The following SPMIP2 variants were observed in gnomAD, a reference collection of about 807,000 sequenced individuals.
The protein encoded by SPMIP2 is sperm microtubule inner protein 2, also known as protein SPMIP2.
chr4:158,906,475 C>T, the SPMIP2 span: 2 of 152,090 alleles, frequency 1.3e-5, no homozygotes, highest in African/African-American at 4.8e-5. Context: ...TAATTAGACC[C>T]ATATAGGGGA....
chr4:158,984,127 G>C, the SPMIP2 span, among the ~76,000 whole-genome samples: 3 of 120,992 alleles, frequency 2.5e-5, no homozygotes, highest in Non-Finnish European at 5.2e-5. Context: ...CAATACAGGA[G>C]CACCCAGATT....
chr4:159,061,728 T>C, the SPMIP2 span, among the ~76,000 whole-genome samples: 1 of 151,428 alleles, frequency 6.6e-6, no homozygotes, highest in African/African-American at 2.4e-5. Context: ...TGAGAATTGC[T>C]TGAACCTGGG....
At chr4:158,908,082 A>C in the SPMIP2 span, 11 of 152,186 alleles carry the variant, frequency 7.2e-5, no homozygotes, top group African/African-American at 2.2e-4. Flanking sequence ...GATTTGTTAT[A>C]TTTAATAAAA....
chr4:158,969,257 G>C, the SPMIP2 span, among the ~76,000 whole-genome samples: 2 of 152,100 alleles, frequency 1.3e-5, no homozygotes, highest in Admixed American at 6.5e-5. Context: ...CCAGTGGAGA[G>C]GAGATACAAC....
chr4:158,902,834 C>A, the SPMIP2 span, among the ~76,000 whole-genome samples: 1 of 152,182 alleles, frequency 6.6e-6, no homozygotes, highest in South Asian at 2.1e-4. Context: ...ATGCCCCTCC[C>A]CCAACCAACC....
At chr4:159,009,780 G>A in the SPMIP2 span, among the ~76,000 whole-genome samples, 1 of 151,922 alleles carries the variant, frequency 6.6e-6, no homozygotes, top group Admixed American at 6.6e-5. Context: ...AGACTAGCCT[G>A]GACAATATGG....
At chr4:159,046,646 C>G in the SPMIP2 span, among the ~76,000 whole-genome samples, 6 of 152,204 alleles carry the variant, frequency 3.9e-5, no homozygotes, top group African/African-American at 1.4e-4. Flanking sequence ...AATCTTGGCT[C>G]ACCGCAACCT....
chr4:158,895,610 G>T, the SPMIP2 span: 378 of 609,090 alleles, frequency 6.2e-4, 1 homozygote, highest in East Asian at 8.0e-3. Context: ...GTTTGAGATG[G>T]CTTGTGATTT....
chr4:159,048,147 C>G, the SPMIP2 span, among the ~76,000 whole-genome samples: 1 of 152,138 alleles, frequency 6.6e-6, no homozygotes, highest in African/African-American at 2.4e-5. Flanking sequence ...AGTAATCATA[C>G]CTCCTCCAAA....
the SPMIP2 span, among the ~76,000 whole-genome samples, chr4:159,025,204 G>A: frequency 6.2e-4 from 94 of 152,254 alleles, no homozygotes; most frequent in Middle Eastern, 3.4e-3. Flanking sequence ...TTGCTCTGTC[G>A]CACAGGCTGG....
the SPMIP2 span, among the ~76,000 whole-genome samples, chr4:159,080,492 T>C: frequency 2.0e-5 from 3 of 152,104 alleles, no homozygotes; most frequent in African/African-American, 4.8e-5. Context: ...GTGCTGACAT[T>C]ACAGGCATGA....
At chr4:158,990,468 ATACT>A in the SPMIP2 span, among the ~76,000 whole-genome samples, 2 of 151,978 alleles carry the variant, frequency 1.3e-5, no homozygotes, top group Non-Finnish European at 2.9e-5. Flanking sequence ...TGAACAGTGA[ATACT>A]GACTTGGAAC....
the SPMIP2 span, among the ~76,000 whole-genome samples, chr4:158,924,546 A>C: frequency 6.6e-6 from 1 of 150,832 alleles, no homozygotes; most frequent in East Asian, 2.0e-4. Flanking sequence ...TGCCTGGCTA[A>C]TTTTTTTGTA....
At chr4:158,957,349 G>T in the SPMIP2 span, among the ~76,000 whole-genome samples, 1 of 152,104 alleles carries the variant, frequency 6.6e-6, no homozygotes, top group Non-Finnish European at 1.5e-5. Context: ...GGCAGCACAG[G>T]TTGTAATTTG....
chr4:158,968,396 G>A, the SPMIP2 span, among the ~76,000 whole-genome samples: 1 of 152,174 alleles, frequency 6.6e-6, no homozygotes, highest in Non-Finnish European at 1.5e-5. Context: ...GGGATGCTAG[G>A]AGACAATTGA....
the SPMIP2 span, among the ~76,000 whole-genome samples, chr4:158,961,908 A>G: frequency 1.3e-5 from 2 of 152,046 alleles, no homozygotes; most frequent in Non-Finnish European, 2.9e-5. Flanking sequence ...TTACTGGCCA[A>G]TCATTCCTAA....
At chr4:158,975,159 T>C in the SPMIP2 span, among the ~76,000 whole-genome samples, 1 of 88,752 alleles carries the variant, frequency 1.1e-5, no homozygotes, top group East Asian at 4.0e-4. Flanking sequence ...GGGTTGTTTT[T>C]TTCTTGTGAC....
chr4:158,960,368 T>C, the SPMIP2 span: 2 of 1,414,850 alleles, frequency 1.4e-6, no homozygotes, highest in Non-Finnish European at 2.0e-6. Flanking sequence ...AAAATTAATG[T>C]ACCATAATTC....
chr4:159,066,607 A>ATATATC, the SPMIP2 span, among the ~76,000 whole-genome samples: 10 of 146,292 alleles, frequency 6.8e-5, no homozygotes, highest in South Asian at 1.9e-3. Flanking sequence ...ATATATATAT[A>ATATATC]TATATATATA....
Sources: allele counts gnomAD v4.1 joint callset (sites outside exome capture counted in the v4.1 genomes callset), GRCh38; gene constraint gnomAD v4.1.1; transcripts MANE v1.5; gene names NCBI Gene and HGNC (gene_info 2026-07-23, HGNC 2026-07-21).